UBE2U: variants seen among roughly 807,000 people sequenced by gnomAD.
UBE2U encodes the protein ubiquitin-conjugating enzyme E2 U.
In UBE2U, 39 loss-of-function variants were observed where a neutral mutation model predicts 41.2. The observed-to-expected ratio is 0.95, with a 90% confidence interval of 0.73 to 1.24. UBE2U has a LOEUF of 1.24. UBE2U is among the 50% of genes most tolerant of loss of function. The probability of loss-of-function intolerance (pLI) is 0.00; values close to 1 mark genes in which losing one functional copy is unlikely to be tolerated. For synonymous variants in UBE2U, 107 were observed against 117.8 expected, an observed-to-expected ratio of 0.91 and a Z score of 0.60; for missense variants, 336 against 363.1, an observed-to-expected ratio of 0.93 and a Z score of 0.61.
chr1:64,258,054 G>C (rs1645122972), intron 8 of UBE2U, among the ~76,000 whole-genome samples: 2 of 152,164 alleles, frequency 1.3e-5, no homozygotes, highest in African/African-American at 4.8e-5. Flanking sequence ...CAGGAACAAG[G>C]CAAGGATGTC....
Position 64,203,949 on chromosome 1 carries a change from T to A in UBE2U, c.-102T>A, listed in dbSNP as rs1651129654. 6 of 959,208 alleles carry A rather than the reference T, an allele frequency of 6.3e-6. No homozygotes were observed. In the Admixed American group the frequency reaches 1.4e-4, roughly 23 times the overall value. The allele number at this position is 959,208 out of a possible 1,614,324, so 59.4% of individuals were successfully genotyped here. Reference sequence around the variant, plus strand: ...GGTTCTAGAAAGCAAGTAACTTATATCAGTTTACTAAGTGTGGGAAAGTGA... The same window carrying A: ...GGTTCTAGAAAGCAAGTAACTTATAACAGTTTACTAAGTGTGGGAAAGTGA... On this transcript the variant is annotated 5_prime_UTR_variant, in exon 1 of 10. Transcript: ENST00000371077.
intron 7 of UBE2U, among the ~76,000 whole-genome samples, chr1:64,239,163 GAAGAAGAAGAA>G (rs1248033110): frequency 1.4e-5 from 1 of 72,970 alleles, no homozygotes; most frequent in Non-Finnish European, 2.7e-5. Flanking sequence ...GAAGAAAGAA[GAAGAAGAAGAA>G]GAAGAAGAAG....
chr1:64,244,356 T>C, intron 8 of UBE2U: 1 of 741,132 alleles, frequency 1.3e-6, no homozygotes, highest in Non-Finnish European at 1.7e-6. Flanking sequence ...ATATTATATA[T>C]CTGTTACATA....
chr1:64,249,377 C>CAAAAAAA (rs71584441), intron 8 of UBE2U, among the ~76,000 whole-genome samples: 2 of 67,346 alleles, frequency 3.0e-5, no homozygotes, highest in Admixed American at 1.8e-4. Context: ...GACTCTGTCT[C>CAAAAAAA]AAAAAAAAAA....
chr1:64,204,649 T>C (rs1009429108), intron 1 of UBE2U, among the ~76,000 whole-genome samples: 5 of 152,202 alleles, frequency 3.3e-5, no homozygotes, highest in Admixed American at 2.0e-4. Flanking sequence ...GCAATGTCCT[T>C]GGGCTTAAAC....
At chr1:64,224,439 C>T (rs373195809) in intron 6 of UBE2U, among the ~76,000 whole-genome samples, 1 of 152,002 alleles carries the variant, frequency 6.6e-6, no homozygotes, top group East Asian at 1.9e-4. Flanking sequence ...TAAAAGTAAG[C>T]GGGCCGGGTG....
rs1645265306 is a variant in UBE2U at position 64,267,061 on chromosome 1, C to T, written c.807C>T (p.Ser269=). The part of the protein sequence containing the change: ...IFLESPTAIN[S]ITDIYETEEE... ...TTGAGTCACCAACTGCAATAAATAG[C>T]ATCACAGACATTTATGAAACAGAAG... The change falls in exon 10 of 10, where the codon AGC becomes AGT. Residue 269 remains serine, a synonymous_variant. Coordinates refer to ENST00000371077, the MANE Select transcript of UBE2U (RefSeq NM_001366232.2). The T allele has an allele frequency of 6.5e-7, 1 of 1,549,732 alleles. No homozygotes were observed. The highest frequency in any genetic ancestry group is 2.4e-5 in the East Asian group (1 of 40,902).
intron 6 of UBE2U, among the ~76,000 whole-genome samples, chr1:64,226,215 T>C (rs1238856436): frequency 6.6e-6 from 1 of 152,110 alleles, no homozygotes; most frequent in Non-Finnish European, 1.5e-5. Flanking sequence ...CATGCAACAA[T>C]AGGGAATAAG....
At position 64,221,921 on chromosome 1, in the gene UBE2U, TA is replaced by T. The variant is rs566386746; in HGVS notation, c.506+1020del. ...CTAACATGGTGAAACCTGTCTCTAC[TA>T]AAAAATACAAAAAAATTAGCCGAGC... On this transcript the variant is annotated intron_variant, in intron 6 of 9. Coordinates refer to ENST00000371077, the MANE Select transcript of UBE2U (RefSeq NM_001366232.2). 9.9e-3 allele frequency among the ~76,000 whole-genome samples: 1,507 copies of T among 151,758 alleles called. 17 individuals carry two copies. Among genetic ancestry groups the T allele is most frequent in the Non-Finnish European group, 0.017 (1,164 of 67,906 alleles).
intron 3 of UBE2U, among the ~76,000 whole-genome samples, chr1:64,209,777 G>T (rs1350020210): frequency 7.6e-6 from 1 of 131,748 alleles, no homozygotes; most frequent in Non-Finnish European, 1.5e-5. Context: ...CTACCAAAAA[G>T]TACATATAAA....
At chr1:64,207,405 A>G (rs1651367028) in intron 3 of UBE2U, among the ~76,000 whole-genome samples, 1 of 152,188 alleles carries the variant, frequency 6.6e-6, no homozygotes, top group Admixed American at 6.5e-5. Flanking sequence ...TGGCCTCCCA[A>G]AATGCTGGGA....
At chr1:64,260,564 A>G (rs1645164797) in intron 8 of UBE2U, 39 bp from the exon 9 acceptor site, 1 of 1,495,236 alleles carries the variant, frequency 6.7e-7, no homozygotes, top group African/African-American at 1.4e-5. Context: ...CCCTTACCAA[A>G]ATTCATTTGG....
intron 8 of UBE2U, among the ~76,000 whole-genome samples, chr1:64,250,255 T>C (rs1347269177): frequency 6.6e-6 from 1 of 152,178 alleles, no homozygotes; most frequent in African/African-American, 2.4e-5. Context: ...ACACATTTCT[T>C]GAAAGGCAAC....
intron 8 of UBE2U, chr1:64,244,072 A>AAGC (rs1644879512): frequency 8.0e-7 from 1 of 1,244,872 alleles, no homozygotes; most frequent in African/African-American, 1.5e-5. Context: ...AAGCACTCAT[A>AAGC]AAGTTCGCTA....
intron 5 of UBE2U, chr1:64,215,644 A>T (rs825170): frequency 0.68 from 103,907 of 152,098 alleles, 37,231 homozygotes; most frequent in African/African-American, 0.91. Flanking sequence ...GATGTCAATG[A>T]TTTTTTTCCG....
chr1:64,221,057 C>A, intron 6 of UBE2U, 150 bp downstream of exon 6: 1 of 595,146 alleles, frequency 1.7e-6, no homozygotes, highest in Non-Finnish European at 2.8e-6. Flanking sequence ...TCAGAAAGAA[C>A]ATGGAAAATT....
intron 8 of UBE2U, among the ~76,000 whole-genome samples, chr1:64,251,515 C>T (rs933422924): frequency 6.6e-6 from 1 of 152,088 alleles, no homozygotes; most frequent in African/African-American, 2.4e-5. Flanking sequence ...AGTGAAGTAT[C>T]CAGGTTCTCA....
At position 64,256,439 on chromosome 1, in the gene UBE2U, G is replaced by A. The variant is rs550837078; in HGVS notation, c.678-4164G>A. On this transcript the variant is annotated intron_variant, in intron 8 of 9. Coordinates refer to ENST00000371077, the MANE Select transcript of UBE2U (RefSeq NM_001366232.2). ...AACAGAGACATAGACCAATGGAACA[G>A]AATAGAGAACTCAGAAATAAGACCA... 1.6e-3 allele frequency among the ~76,000 whole-genome samples: 238 copies of A among 152,270 alleles called. 1 individual carries two copies. Among genetic ancestry groups the A allele is most frequent in the African/African-American group, 5.6e-3 (232 of 41,560 alleles).
At chr1:64,224,658 G>T (rs1195402110) in intron 6 of UBE2U, among the ~76,000 whole-genome samples, 1 of 151,936 alleles carries the variant, frequency 6.6e-6, no homozygotes, top group East Asian at 1.9e-4. Context: ...GGGAGGTGGA[G>T]GTTGCAGTGA....
Sources: allele counts gnomAD v4.1 joint callset (sites outside exome capture counted in the v4.1 genomes callset), GRCh38; gene constraint gnomAD v4.1.1; transcripts MANE v1.5; gene names NCBI Gene and HGNC (gene_info 2026-07-23, HGNC 2026-07-21).